PLEKHA7: variants seen among roughly 807,000 people sequenced by gnomAD.
The protein encoded by PLEKHA7 is pleckstrin homology domain-containing family A member 7.
A neutral mutation model predicts 170.0 loss-of-function variants in PLEKHA7; 104 were observed. The ratio of observed to expected loss-of-function variants is 0.61; its 90% CI spans 0.52 to 0.72. The LOEUF (loss-of-function observed/expected upper bound fraction) is 0.72. Ranked by LOEUF, PLEKHA7 falls within the 30% of genes least tolerant of loss-of-function variation. The probability of loss-of-function intolerance (pLI) is 0.00; values close to 1 mark genes in which losing one functional copy is unlikely to be tolerated. For missense variants in PLEKHA7, 1,615 were observed against 1,671.7 expected (o/e 0.97, Z 0.59); for synonymous variants, 648 against 660.8 (o/e 0.98, Z 0.30).
intron 3 of PLEKHA7, among the ~76,000 whole-genome samples, chr11:16,920,395 C>T (rs897062524): frequency 6.6e-6 from 1 of 152,172 alleles, no homozygotes; most frequent in Non-Finnish European, 1.5e-5. Flanking sequence ...AAATAACAAG[C>T]AAATAGCAAA....
In PLEKHA7 at chr11:16,791,013, T is replaced by G; in HGVS notation, c.2932A>C (p.Arg978=). 1 of 1,614,044 alleles carries G rather than the reference T, an allele frequency of 6.2e-7. No homozygotes were observed. Among genetic ancestry groups the G allele is most frequent in the Non-Finnish European group, 8.5e-7 (1 of 1,180,014 alleles). ...ELGQCVNGDS[R]VELRSYVSEP... ...CAGCCCCAGGGTCCCCCGCTCACCC[T>G]GGAATCCCCATTCACACACTGCCCC... Residue 978 remains arginine (R), a splice_region_variant and synonymous_variant, in exon 20 of 27, where the codon AGG becomes CGG. Transcript: ENST00000531066. The surrounding 1 kb of genome is among the most constrained non-coding windows in gnomAD (Gnocchi z 4.5).
At chr11:16,891,220 T>C (rs1856591042) in intron 3 of PLEKHA7, among the ~76,000 whole-genome samples, 1 of 152,190 alleles carries the variant, frequency 6.6e-6, no homozygotes. Flanking sequence ...TCAAAAAATA[T>C]ATTTTAGAGC....
At chr11:16,993,506 G>A (rs1864167081) in intron 3 of PLEKHA7, among the ~76,000 whole-genome samples, 1 of 152,166 alleles carries the variant, frequency 6.6e-6, no homozygotes, top group Non-Finnish European at 1.5e-5. Flanking sequence ...ATTGTGAAGA[G>A]CCACTGAGCA....
chr11:16,992,838 CTGTG>C (rs1864126648), intron 3 of PLEKHA7, among the ~76,000 whole-genome samples: 1 of 152,020 alleles, frequency 6.6e-6, no homozygotes, highest in Admixed American at 6.5e-5. Context: ...CCCTGGGCCT[CTGTG>C]TCCTCATCTA....
intron 9 of PLEKHA7, among the ~76,000 whole-genome samples, chr11:16,827,100 T>C (rs989744316): frequency 6.6e-6 from 1 of 152,204 alleles, no homozygotes; most frequent in Non-Finnish European, 1.5e-5. Flanking sequence ...CTTTTGCAAT[T>C]TGTCCATTTG....
intron 13 of PLEKHA7, 78 bp from the exon 14 acceptor site, chr11:16,803,373 A>C: frequency 7.0e-7 from 1 of 1,437,636 alleles, no homozygotes; most frequent in South Asian, 1.2e-5. Flanking sequence ...TCATCCTATA[A>C]TGGATGGTGT....
At chr11:16,844,619 G>C (rs1369720613) in intron 8 of PLEKHA7, among the ~76,000 whole-genome samples, 3 of 152,152 alleles carry the variant, frequency 2.0e-5, no homozygotes, top group Non-Finnish European at 4.4e-5. Flanking sequence ...TTGCATAACT[G>C]AATAGAAAAC....
At chr11:16,845,714 G>A (rs914442712) in intron 8 of PLEKHA7, among the ~76,000 whole-genome samples, 7 of 152,116 alleles carry the variant, frequency 4.6e-5, no homozygotes, top group African/African-American at 1.7e-4. Context: ...ATTTTGTTTG[G>A]AAAGACCACT....
At chr11:16,795,694 C>G (rs967534061) in intron 17 of PLEKHA7, among the ~76,000 whole-genome samples, 1 of 151,332 alleles carries the variant, frequency 6.6e-6, no homozygotes, top group Admixed American at 6.6e-5. Flanking sequence ...GAGGCTGAGG[C>G]ATGAGAATCG....
intron 3 of PLEKHA7, among the ~76,000 whole-genome samples, chr11:16,884,480 A>T (rs1855929373): frequency 6.6e-6 from 1 of 152,090 alleles, no homozygotes; most frequent in South Asian, 2.1e-4. Context: ...TAAAAATACA[A>T]AAAAATTAGC....
intron 3 of PLEKHA7, among the ~76,000 whole-genome samples, chr11:16,976,931 T>C (rs1863105609): frequency 6.6e-6 from 1 of 152,186 alleles, no homozygotes; most frequent in Non-Finnish European, 1.5e-5. Context: ...CCATTCAAGC[T>C]GAGCACCTGG....
intron 5 of PLEKHA7, among the ~76,000 whole-genome samples, chr11:16,855,255 C>T (rs1332599980): frequency 6.6e-6 from 1 of 152,182 alleles, no homozygotes; most frequent in Admixed American, 6.5e-5. Flanking sequence ...CAACTTTCAG[C>T]AGCAGCTGTT....
At chr11:16,822,502 GAAAAAAAAAAAAAAA>G (rs775136335) in intron 10 of PLEKHA7, among the ~76,000 whole-genome samples, 2 of 78,956 alleles carry the variant, frequency 2.5e-5, no homozygotes, top group Non-Finnish European at 4.4e-5. Flanking sequence ...TTTGGTAGGG[GAAAAAAAAAAAAAAA>G]AAAAAAAAAG....
intron 10 of PLEKHA7, among the ~76,000 whole-genome samples, chr11:16,821,202 A>G (rs1850190210): frequency 1.3e-5 from 2 of 152,238 alleles, no homozygotes; most frequent in African/African-American, 4.8e-5. Flanking sequence ...TTTACTCAGC[A>G]GATGTTCCTC....
chr11:16,939,209 TCAGGA>T (rs1404519739), intron 3 of PLEKHA7, among the ~76,000 whole-genome samples: 1 of 152,064 alleles, frequency 6.6e-6, no homozygotes, highest in Non-Finnish European at 1.5e-5. Flanking sequence ...TGCCAAGAGT[TCAGGA>T]CTAGGCTGGC....
At chr11:17,013,911 G>C in intron 3 of PLEKHA7, 78 bp downstream of exon 3, 2 of 1,450,656 alleles carry the variant, frequency 1.4e-6, no homozygotes, top group Non-Finnish European at 1.8e-6. Context: ...GCAGAGGAAG[G>C]GCGGGGCGCC....
chr11:16,877,981 T>C (rs1203287044), intron 3 of PLEKHA7, among the ~76,000 whole-genome samples: 1 of 152,186 alleles, frequency 6.6e-6, no homozygotes, highest in African/African-American at 2.4e-5. Flanking sequence ...ACTATAGCAA[T>C]GACTAACAGG....
intron 3 of PLEKHA7, among the ~76,000 whole-genome samples, chr11:16,906,858 G>T (rs1403151249): frequency 7.2e-6 from 1 of 138,360 alleles, no homozygotes; most frequent in Non-Finnish European, 1.5e-5. Context: ...CTGCCCGGCC[G>T]CCATCCCATC....
chr11:16,828,820 G>A (rs1850872189), intron 9 of PLEKHA7, among the ~76,000 whole-genome samples: 1 of 152,138 alleles, frequency 6.6e-6, no homozygotes, highest in Admixed American at 6.5e-5. Context: ...AGGCCAATCA[G>A]AGTTAGCCCT....
Sources: allele counts gnomAD v4.1 joint callset (sites outside exome capture counted in the v4.1 genomes callset), GRCh38; gene constraint gnomAD v4.1.1; non-coding constraint Gnocchi (gnomAD v3.1); transcripts MANE v1.5; gene names NCBI Gene and HGNC (gene_info 2026-07-23, HGNC 2026-07-21).